GPR143: variants seen among roughly 807,000 people sequenced by gnomAD.
GPR143 encodes G protein-coupled receptor 143.
In GPR143, 8 loss-of-function variants were observed where a neutral mutation model predicts 27.6. That is an observed-to-expected ratio of 0.29 (90% CI 0.17 to 0.52). The LOEUF is 0.52. Ranked by LOEUF, GPR143 falls within the 20% of genes least tolerant of loss-of-function variation. The pLI is 0.96. For synonymous variants in GPR143, 156 were observed against 153.2 expected, an observed-to-expected ratio of 1.02 and a Z score of -0.13; for missense variants, 303 against 343.1, an observed-to-expected ratio of 0.88 and a Z score of 0.92.
chrX:9,778,279 G>A (rs1279646753), intron 1 of GPR143, among the ~76,000 whole-genome samples: 5 of 111,677 alleles, frequency 4.5e-5, no homozygotes, highest in African/African-American at 9.8e-5. Flanking sequence ...CTGGCCACTC[G>A]TGTCCTCTCC....
intron 3 of GPR143, among the ~76,000 whole-genome samples, chrX:9,756,438 G>A (rs184061731): frequency 3.4e-3 from 381 of 112,472 alleles, no homozygotes; most frequent in Middle Eastern, 0.023. Flanking sequence ...ATATCATCAA[G>A]TAGGTGTAAA....
intron 5 of GPR143, among the ~76,000 whole-genome samples, chrX:9,745,772 C>G (rs1160524800): frequency 8.9e-6 from 1 of 111,955 alleles, no homozygotes; most frequent in Non-Finnish European, 1.9e-5. Flanking sequence ...GCAGCCGACC[C>G]AGGAGAAGCC....
intron 1 of GPR143, among the ~76,000 whole-genome samples, chrX:9,763,085 C>T (rs1194770559): frequency 9.2e-6 from 1 of 108,605 alleles, no homozygotes; most frequent in Admixed American, 9.9e-5. Context: ...CCCACCATGA[C>T]GGGCCTTTTT....
At position 9,746,406 on chromosome X, in the gene GPR143, C is replaced by CT. The variant is rs533751588; in HGVS notation, c.549-254dup. 7.2e-5 allele frequency among the ~76,000 whole-genome samples: 8 copies of CT among 110,849 alleles called. No homozygotes were observed. The South Asian group carries it at 2.7e-3, about 38-fold the overall frequency. Reference sequence around the variant, plus strand: ...CCCTAAGGCATTCCACTGGAGGAAGCTTTTAAAGGTTCCTGCTGGGAAAAG... The same window carrying CT: ...CCCTAAGGCATTCCACTGGAGGAAGCTTTTTAAAGGTTCCTGCTGGGAAAAG... On this transcript the variant is annotated intron_variant, in intron 4 of 8. Coordinates refer to ENST00000467482, the MANE Select transcript of GPR143 (RefSeq NM_000273.3).
At chrX:9,759,765 G>A (rs1424592166) in intron 2 of GPR143, among the ~76,000 whole-genome samples, 1 of 111,913 alleles carries the variant, frequency 8.9e-6, no homozygotes, top group Non-Finnish European at 1.9e-5. Context: ...GTACGGGGAG[G>A]AGGGACTCAG....
intron 8 of GPR143, among the ~76,000 whole-genome samples, chrX:9,735,264 G>A (rs1178808595): frequency 8.9e-6 from 1 of 111,784 alleles, no homozygotes; most frequent in African/African-American, 3.3e-5. Flanking sequence ...GCTGGCCACC[G>A]GATAAAGCCC....
At chrX:9,747,669 A>G (rs1387104781) in intron 4 of GPR143, among the ~76,000 whole-genome samples, 4 of 111,655 alleles carry the variant, frequency 3.6e-5, no homozygotes, top group African/African-American at 1.3e-4. Context: ...GAGATAAATT[A>G]TCTACACCAA....
At chrX:9,760,336 C>T (rs2732871) in intron 2 of GPR143, among the ~76,000 whole-genome samples, 53,824 of 110,949 alleles carry the variant, frequency 0.49, 10,895 homozygotes, top group Non-Finnish European at 0.66. Flanking sequence ...AAGTGATCCA[C>T]CTGCCTTGGC....
upstream of GPR143, among the ~76,000 whole-genome samples, chrX:9,770,565 A>G (rs899590941): frequency 3.6e-5 from 4 of 109,968 alleles, no homozygotes; most frequent in African/African-American, 1.3e-4. Flanking sequence ...TATTCCAATG[A>G]GAGAGGAAGC....
intron 3 of GPR143, among the ~76,000 whole-genome samples, chrX:9,755,491 A>T (rs1400999575): frequency 1.2e-5 from 1 of 86,916 alleles, no homozygotes; most frequent in African/African-American, 5.6e-5. Context: ...AACTCCATCT[A>T]AAAAAAAAAA....
At chrX:9,774,538 G>A (rs1421987553) in intron 1 of GPR143, among the ~76,000 whole-genome samples, 1 of 112,499 alleles carries the variant, frequency 8.9e-6, no homozygotes, top group East Asian at 2.8e-4. Flanking sequence ...GCCTCCCTGA[G>A]TGAGTTCCTG....
intron 4 of GPR143, chrX:9,748,159 C>T: frequency 5.3e-6 from 1 of 187,892 alleles, no homozygotes; most frequent in South Asian, 1.1e-4. Context: ...ATGGCCTCTT[C>T]CACATTATCC....
In GPR143 at chrX:9,739,509, C is replaced by T. The variant is rs906015045; in HGVS notation, c.1096G>A (p.Glu366Lys). Residue 366 changes from glutamate (E) to lysine (K), a missense_variant, in exon 8 of 9, where the codon GAA becomes AAA. Physicochemically the swap from Glu to Lys is moderately conservative, Grantham distance 56 (BLOSUM62 1). Coordinates refer to ENST00000467482, the MANE Select transcript of GPR143 (RefSeq NM_000273.3). ...CCTTCAGACAGCATGCTCAGGGCTT[C>T]GTCAGAAGTCTGCCCACCCACTTGA... is the stretch of plus-strand genomic sequence containing the variant. Reference protein sequence around the residue: ...VSQVGGQTSDEALSMLSEGSD... With the variant: ...VSQVGGQTSDKALSMLSEGSD... 2.5e-6 allele frequency: 3 copies of T among 1,206,339 alleles called. No individual in the cohort carries two copies. The highest frequency in any genetic ancestry group is 3.4e-6 in the Non-Finnish European group (3 of 890,880).
At chrX:9,738,747 C>A (rs2083389356) in intron 8 of GPR143, among the ~76,000 whole-genome samples, 2 of 112,150 alleles carry the variant, frequency 1.8e-5, no homozygotes, top group African/African-American at 6.5e-5. Context: ...GCCTCAGCCT[C>A]CCAAGTAGCT....
At position 9,771,709 on chromosome X, in the gene GPR143, C is replaced by CTTTTTTTTTTTTTTTT. The variant is rs752477509; in HGVS notation, c.-2-10884_-2-10883insAAAAAAAAAAAAAAAA. Among the ~76,000 whole-genome samples the CTTTTTTTTTTTTTTTT allele has an allele frequency of 2.2e-5, 2 of 92,818 alleles. 1 individual carries two copies. Among genetic ancestry groups the CTTTTTTTTTTTTTTTT allele is most frequent in the Non-Finnish European group, 4.2e-5 (2 of 48,104 alleles). 80.6% of individuals were successfully genotyped at this position (92,818 alleles called of 115,157 possible). ...CCAACTAAGCCATGGAGCATTCTCTCTCTTTTTTTTTTTTTTTTGGATGGA... is the reference window on the plus strand; with the variant it reads ...CCAACTAAGCCATGGAGCATTCTCTCTTTTTTTTTTTTTTTTTCTTTTTTTTTTTTTTTTGGATGGA... On this transcript the variant is annotated intron_variant, in intron 1 of 7. Transcript: ENST00000447366.
chrX:9,777,625 C>CA (rs748188995), intron 1 of GPR143, among the ~76,000 whole-genome samples: 19 of 108,940 alleles, frequency 1.7e-4, no homozygotes, highest in Admixed American at 1.1e-3. Context: ...CTCAAAAAAA[C>CA]AAAAAAAAGA....
At chrX:9,733,925 C>T (rs898321361) in intron 8 of GPR143, among the ~76,000 whole-genome samples, 1 of 109,738 alleles carries the variant, frequency 9.1e-6, no homozygotes, top group Non-Finnish European at 1.9e-5. Context: ...ACTAAAAATA[C>T]AAAAATTAGC....
Position 9,725,980 on chromosome X carries a change from C to CAAAAAAAAAA in GPR143, c.1121-150_1121-141dup, listed in dbSNP as rs35066814. On this transcript the variant is annotated intron_variant, in intron 8 of 8. Coordinates refer to ENST00000467482, the MANE Select transcript of GPR143 (RefSeq NM_000273.3). ...AAAGTCCTAGCATTCATCTCATCTG[C>CAAAAAAAAAA]AAAAAAAAAAAAAAAAAAAAAAAAA... 9 of 355,041 alleles carry CAAAAAAAAAA rather than the reference C, an allele frequency of 2.5e-5. No individual in the cohort carries two copies. The African/African-American group carries it at 4.5e-4, about 18-fold the overall frequency. 29.3% of individuals were successfully genotyped at this position (355,041 alleles called of 1,213,427 possible).
chrX:9,734,198 G>C (rs1344763658), intron 8 of GPR143, among the ~76,000 whole-genome samples: 1 of 111,095 alleles, frequency 9.0e-6, no homozygotes, highest in Non-Finnish European at 1.9e-5. Context: ...GTTATTGTGA[G>C]AGAAATAGGG....
Sources: gnomAD v4.1 joint callset for allele counts (sites outside exome capture counted in the v4.1 genomes callset) on GRCh38, gnomAD v4.1.1 for gene constraint, MANE v1.5 for transcripts, NCBI Gene and HGNC (gene_info 2026-07-23, HGNC 2026-07-21) for gene names.